Variants in EPHB1 observed in about 807,000 individuals in gnomAD.
EPHB1 encodes EPH receptor B1.
In EPHB1, 30 loss-of-function variants were observed where a neutral mutation model predicts 94.4. The ratio of observed to expected loss-of-function variants is 0.32; its 90% CI spans 0.24 to 0.43. The LOEUF (loss-of-function observed/expected upper bound fraction) is 0.43, where lower values mean the gene tolerates loss of function less well. Ranked by LOEUF, EPHB1 falls within the 20% of genes least tolerant of loss-of-function variation. EPHB1 has a pLI of 1.00. For synonymous variants in EPHB1, 522 were observed against 489.1 expected, an observed-to-expected ratio of 1.07 and a Z score of -0.89; for missense variants, 1,055 against 1,308.3, an observed-to-expected ratio of 0.81 and a Z score of 2.99.
intron 4 of EPHB1, among the ~76,000 whole-genome samples, chr3:135,107,803 C>G (rs1050980406): frequency 2.0e-5 from 3 of 152,096 alleles, no homozygotes; most frequent in Admixed American, 6.6e-5. Context: ...TAGATTTGAA[C>G]TGAGGAAAAG....
intron 3 of EPHB1, among the ~76,000 whole-genome samples, chr3:135,060,987 T>A (rs9847784): frequency 0.86 from 130,635 of 151,862 alleles, 56,584 homozygotes; most frequent in Admixed American, 0.92. Context: ...TCTACTCTCT[T>A]TGTCCATGAG....
chr3:134,976,004 T>A (rs555703360), intron 3 of EPHB1, among the ~76,000 whole-genome samples: 2 of 151,764 alleles, frequency 1.3e-5, no homozygotes, highest in East Asian at 3.9e-4. Flanking sequence ...TAACCAGAAG[T>A]GGGTGGATTA....
chr3:135,030,867 A>T (rs938057424), intron 3 of EPHB1, among the ~76,000 whole-genome samples: 5 of 152,106 alleles, frequency 3.3e-5, no homozygotes, highest in Non-Finnish European at 5.9e-5. Flanking sequence ...TGTGCTAGCA[A>T]TCAGCGAGAC....
intron 3 of EPHB1, among the ~76,000 whole-genome samples, chr3:135,085,343 C>T (rs1938319839): frequency 6.6e-6 from 1 of 152,214 alleles, no homozygotes; most frequent in Admixed American, 6.5e-5. Context: ...TGCAGTGAGA[C>T]ATTTGGCTGT....
chr3:135,094,635 G>A (rs1303658930), intron 3 of EPHB1, among the ~76,000 whole-genome samples: 1 of 152,202 alleles, frequency 6.6e-6, no homozygotes, highest in Non-Finnish European at 1.5e-5. Context: ...CCTGTGTAAG[G>A]AAGTACAGTT....
At chr3:134,974,585 G>A (rs62270358) in intron 3 of EPHB1, among the ~76,000 whole-genome samples, 1 of 129,816 alleles carries the variant, frequency 7.7e-6, no homozygotes, top group African/African-American at 3.0e-5. Context: ...CCTCTTCAAC[G>A]CCAACAGTTT....
At chr3:134,879,158 G>A (rs975320493) in intron 1 of EPHB1, among the ~76,000 whole-genome samples, 3 of 152,160 alleles carry the variant, frequency 2.0e-5, no homozygotes, top group African/African-American at 7.2e-5. Flanking sequence ...CGTGACTAAG[G>A]CTCATACATG....
chr3:135,000,526 T>C (rs1295166464), intron 3 of EPHB1, among the ~76,000 whole-genome samples: 10 of 152,240 alleles, frequency 6.6e-5, no homozygotes, highest in African/African-American at 2.4e-4. Context: ...TTCTTTTTCG[T>C]ATTCTTCCTC....
In EPHB1 at chr3:135,089,282, A is replaced by G. The variant is rs150184357; in HGVS notation, c.806-17166A>G. On this transcript the variant is annotated intron_variant, in intron 3 of 15. Coordinates refer to ENST00000398015, the MANE Select transcript of EPHB1 (RefSeq NM_004441.5). ...CCAGCAGTGGGACTTTGAACAAGCTACTGGACTTATTTGAGCCTTAGTTTT... is the reference window on the plus strand; with the variant it reads ...CCAGCAGTGGGACTTTGAACAAGCTGCTGGACTTATTTGAGCCTTAGTTTT... 1.1e-4 allele frequency among the ~76,000 whole-genome samples: 17 copies of G among 152,362 alleles called. No individual in the cohort carries two copies. The East Asian group carries it at 3.3e-3, about 29-fold the overall frequency.
At chr3:134,907,333 A>T (rs879929800) in intron 1 of EPHB1, among the ~76,000 whole-genome samples, 1 of 152,172 alleles carries the variant, frequency 6.6e-6, no homozygotes, top group Admixed American at 6.5e-5. Context: ...AATAAAGTAG[A>T]TATGTGTTTT....
At chr3:135,071,731 C>G (rs1183254965) in intron 3 of EPHB1, among the ~76,000 whole-genome samples, 1 of 152,130 alleles carries the variant, frequency 6.6e-6, no homozygotes, top group Non-Finnish European at 1.5e-5. Context: ...CATCTCCATC[C>G]CAGACCTGAG....
intron 5 of EPHB1, among the ~76,000 whole-genome samples, chr3:135,147,041 G>A (rs775720182): frequency 3.3e-5 from 5 of 152,180 alleles, no homozygotes; most frequent in African/African-American, 1.2e-4. Context: ...AAGGCCTTGG[G>A]TTAACCTTAT....
chr3:134,835,653 T>A (rs2036660454), intron 1 of EPHB1, among the ~76,000 whole-genome samples: 1 of 152,186 alleles, frequency 6.6e-6, no homozygotes, highest in South Asian at 2.1e-4. Context: ...AGCATCTGAT[T>A]TATCAAGCCA....
At chr3:135,020,598 CAA>C (rs1242041232) in intron 3 of EPHB1, among the ~76,000 whole-genome samples, 1 of 152,220 alleles carries the variant, frequency 6.6e-6, no homozygotes, top group Non-Finnish European at 1.5e-5. Flanking sequence ...CTCAATACCT[CAA>C]TTTGCCATTA....
chr3:134,836,553 A>G (rs1054966395), intron 1 of EPHB1, among the ~76,000 whole-genome samples: 1 of 152,224 alleles, frequency 6.6e-6, no homozygotes, highest in Non-Finnish European at 1.5e-5. Flanking sequence ...ACACTTCATT[A>G]GGTAAATAAC....
intron 4 of EPHB1, among the ~76,000 whole-genome samples, chr3:135,117,589 G>A (rs1402261203): frequency 2.0e-5 from 3 of 152,222 alleles, no homozygotes; most frequent in Non-Finnish European, 4.4e-5. Flanking sequence ...ATCAAGAAGG[G>A]TGGCTTGTCT....
intron 3 of EPHB1, among the ~76,000 whole-genome samples, chr3:134,964,326 A>G (rs189866864): frequency 3.2e-4 from 48 of 152,340 alleles, no homozygotes; most frequent in Non-Finnish European, 6.0e-4. Flanking sequence ...TCTGTTGTCC[A>G]ATATAGTGAC....
At chr3:134,875,642 C>G (rs2037601001) in intron 1 of EPHB1, among the ~76,000 whole-genome samples, 1 of 152,194 alleles carries the variant, frequency 6.6e-6, no homozygotes, top group Non-Finnish European at 1.5e-5. Context: ...ATAACTACCT[C>G]TCAAGGTGGT....
At chr3:135,237,073 G>T (rs536524112) in intron 12 of EPHB1, among the ~76,000 whole-genome samples, 1 of 152,218 alleles carries the variant, frequency 6.6e-6, no homozygotes, top group East Asian at 1.9e-4. Flanking sequence ...CCCCAGCAGG[G>T]TACTGAGGAC....
Sources: gnomAD v4.1 joint callset for allele counts (sites outside exome capture counted in the v4.1 genomes callset) on GRCh38, gnomAD v4.1.1 for gene constraint, MANE v1.5 for transcripts, NCBI Gene and HGNC (gene_info 2026-07-23, HGNC 2026-07-21) for gene names.